The following XPO6 variants were observed in gnomAD, a reference collection of about 807,000 sequenced individuals.
XPO6 encodes exportin 6, also known as exportin-6.
Under a neutral mutation model 130.0 loss-of-function variants are expected in XPO6, and 3 were observed. The ratio of observed to expected loss-of-function variants is 0.02; its 90% CI spans 0.01 to 0.06. The LOEUF is 0.06. Ranked by LOEUF, XPO6 falls within the 10% of genes least tolerant of loss-of-function variation. The pLI, the probability that XPO6 is intolerant of heterozygous loss-of-function variation, is 1.00. For synonymous variants in XPO6, 524 were observed against 548.9 expected, an observed-to-expected ratio of 0.95 and a Z score of 0.63; for missense variants, 970 against 1,393.0, an observed-to-expected ratio of 0.70 and a Z score of 4.83.
chr16:28,112,785 T>C, intron 16 of XPO6, 119 bp downstream of exon 16: 1 of 1,316,482 alleles, frequency 7.6e-7, no homozygotes, highest in Non-Finnish European at 1.0e-6. Flanking sequence ...GAAATCTGTC[T>C]ATGCTGGTAC....
intron 1 of XPO6, among the ~76,000 whole-genome samples, chr16:28,205,719 A>T (rs1281568511): frequency 6.6e-6 from 1 of 152,090 alleles, no homozygotes; most frequent in Non-Finnish European, 1.5e-5. Context: ...AGTGCACTGA[A>T]TGTCAGCTAT....
chr16:28,135,283 T>A lies in XPO6; in HGVS notation c.1376A>T (p.Asn459Ile), dbSNP rs1009540175. 1.2e-6 allele frequency: 2 copies of A among 1,613,898 alleles called. No homozygotes were observed. The highest frequency in any genetic ancestry group is 2.7e-5 in the African/African-American group (2 of 74,906). The stretch of plus-strand genomic sequence containing the variant: ...TTGGTTGTATCTGAACTGGATTCGA[T>A]TCAACACCTCTGTGAGCAGGAGCAC... ...ALVLLLTEVL[N>I]RIQFRYNQAQ... Residue 459 changes from asparagine (N) to isoleucine (I), a missense_variant, in exon 10 of 24, where the codon AAT becomes ATT. Coordinates refer to ENST00000304658, the MANE Select transcript of XPO6 (RefSeq NM_015171.4).
chr16:28,129,719 C>T (rs1039819581), intron 12 of XPO6, among the ~76,000 whole-genome samples: 6 of 152,100 alleles, frequency 3.9e-5, no homozygotes, highest in Non-Finnish European at 7.4e-5. Context: ...AAATCATAAA[C>T]GGACCCAAGC....
intron 4 of XPO6, among the ~76,000 whole-genome samples, chr16:28,170,865 C>T (rs1390213673): frequency 6.6e-6 from 1 of 152,234 alleles, no homozygotes; most frequent in Non-Finnish European, 1.5e-5. Flanking sequence ...CAAAGCACTA[C>T]TTACATCTTC....
At chr16:28,130,173 G>A (rs1463656613) in intron 12 of XPO6, among the ~76,000 whole-genome samples, 1 of 152,200 alleles carries the variant, frequency 6.6e-6, no homozygotes, top group African/African-American at 2.4e-5. Flanking sequence ...AGCAAAAGTG[G>A]GAGCCTTCCA....
intron 13 of XPO6, among the ~76,000 whole-genome samples, chr16:28,122,402 ACTTGAGTCC>A (rs1359246005): frequency 2.6e-5 from 4 of 152,112 alleles, no homozygotes; most frequent in African/African-American, 9.7e-5. Flanking sequence ...TGGGAGGATC[ACTTGAGTCC>A]AGGAGTTCAA....
chr16:28,168,197 C>CTTT (rs1295276924), intron 5 of XPO6, among the ~76,000 whole-genome samples: 1 of 152,112 alleles, frequency 6.6e-6, no homozygotes, highest in Non-Finnish European at 1.5e-5. Context: ...AAAAAATGTG[C>CTTT]TTTGAGACCA....
intron 15 of XPO6, 199 bp downstream of exon 15, chr16:28,117,119 A>ATTC (rs1278919214): frequency 2.0e-5 from 12 of 614,888 alleles, no homozygotes; most frequent in Non-Finnish European, 3.0e-5. Flanking sequence ...TGGAACTCAG[A>ATTC]TAACTAAAAA....
At chr16:28,100,854 CCCA>C (rs2086641562) in intron 23 of XPO6, among the ~76,000 whole-genome samples, 1 of 151,848 alleles carries the variant, frequency 6.6e-6, no homozygotes, top group Non-Finnish European at 1.5e-5. Context: ...GCACCCAGCT[CCCA>C]CCGAGGTGCT....
chr16:28,181,129 C>A, intron 1 of XPO6, 98 bp from the exon 2 acceptor site: 1 of 882,324 alleles, frequency 1.1e-6, no homozygotes, highest in South Asian at 1.7e-5. Flanking sequence ...GAGCAATTTA[C>A]TTCCTCAAAA....
At chr16:28,190,262 C>T (rs2043765293) in intron 1 of XPO6, among the ~76,000 whole-genome samples, 2 of 151,640 alleles carry the variant, frequency 1.3e-5, no homozygotes, top group South Asian at 4.2e-4. Context: ...GCTCTATCGC[C>T]CAGCTGGAGT....
At chr16:28,201,073 C>A (rs961837891) in intron 1 of XPO6, among the ~76,000 whole-genome samples, 1 of 152,082 alleles carries the variant, frequency 6.6e-6, no homozygotes, top group Non-Finnish European at 1.5e-5. Context: ...TGTTCCTCAG[C>A]GGTTCTCCCA....
chr16:28,123,281 G>T (rs1423306182), intron 13 of XPO6, among the ~76,000 whole-genome samples: 1 of 151,986 alleles, frequency 6.6e-6, no homozygotes, highest in African/African-American at 2.4e-5. Context: ...AAATTTTTTT[G>T]TCTTTTTAGT....
At chr16:28,119,633 T>C (rs1323162605) in intron 14 of XPO6, among the ~76,000 whole-genome samples, 1 of 151,896 alleles carries the variant, frequency 6.6e-6, no homozygotes, top group East Asian at 1.9e-4. Flanking sequence ...GTGTGGCTCA[T>C]GATTAGTTAG....
At position 28,098,084 on chromosome 16, in the gene XPO6, T is replaced by G. The variant is rs1434618410; in HGVS notation, c.*454A>C. ...CAACAAAAACGTGAGTCTTTGCAAA[T>G]CTCTGACAAAGAGCAGAGATCTCAA... On this transcript the variant is annotated 3_prime_UTR_variant, in exon 24 of 24. Coordinates refer to ENST00000304658, the MANE Select transcript of XPO6 (RefSeq NM_015171.4). 1 of 155,956 alleles carries G rather than the reference T, an allele frequency of 6.4e-6. No homozygotes were observed. The highest frequency in any genetic ancestry group is 1.4e-5 in the Non-Finnish European group (1 of 70,502). 9.7% of individuals were successfully genotyped at this position (155,956 alleles called of 1,614,324 possible).
chr16:28,107,009 C>T (rs1480271388), intron 18 of XPO6, among the ~76,000 whole-genome samples: 2 of 152,182 alleles, frequency 1.3e-5, no homozygotes, highest in African/African-American at 4.8e-5. Context: ...GTTTCACTTC[C>T]AGATCTCAAC....
intron 6 of XPO6, among the ~76,000 whole-genome samples, chr16:28,159,227 T>C (rs1461893743): frequency 1.3e-5 from 2 of 151,812 alleles, no homozygotes; most frequent in South Asian, 2.1e-4. Flanking sequence ...CAAGACTCTG[T>C]CTTTAAAAAA....
intron 8 of XPO6, among the ~76,000 whole-genome samples, chr16:28,149,861 C>T (rs74014219): frequency 0.055 from 8,352 of 152,128 alleles, 588 homozygotes; most frequent in East Asian, 0.17. Context: ...ACCCTCTAGA[C>T]GAGAGAAAGA....
At chr16:28,115,197 G>C (rs748214536) in intron 15 of XPO6, among the ~76,000 whole-genome samples, 3 of 152,264 alleles carry the variant, frequency 2.0e-5, no homozygotes, top group East Asian at 1.9e-4. Flanking sequence ...ATCTAGAATG[G>C]TGAATCCTTC....
Sources: gnomAD v4.1 joint callset for allele counts (sites outside exome capture counted in the v4.1 genomes callset) on GRCh38, gnomAD v4.1.1 for gene constraint, MANE v1.5 for transcripts, NCBI Gene and HGNC (gene_info 2026-07-23, HGNC 2026-07-21) for gene names.